TP53BP1: variants seen among roughly 807,000 people sequenced by gnomAD.
TP53BP1 encodes TP53-binding protein 1.
TP53BP1 carries 61 observed loss-of-function variants against 200.8 expected under a neutral mutation model. The observed-to-expected ratio is 0.30, with a 90% CI of 0.25 to 0.38. The LOEUF (loss-of-function observed/expected upper bound fraction) is 0.38, where lower values mean the gene tolerates loss of function less well. Ranked by LOEUF, TP53BP1 falls within the 10% of genes least tolerant of loss-of-function variation. TP53BP1 has a pLI of 1.00. For synonymous variants in TP53BP1, 822 were observed against 844.3 expected, an observed-to-expected ratio of 0.97 and a Z score of 0.46; for missense variants, 2,144 against 2,371.9, an observed-to-expected ratio of 0.90 and a Z score of 2.00.
In TP53BP1 at chr15:43,477,144, C is replaced by A. The variant is rs2078895437; in HGVS notation, c.955+449G>T. On this transcript the variant is annotated intron_variant, in intron 8 of 27. Transcript: ENST00000382044. ...TGAAACCCCATCTCTACTAAAAATA[C>A]AAAAAATTAGCCAAGCATGGTGGCG... is the stretch of plus-strand genomic sequence containing the variant. Among the ~76,000 whole-genome samples the A allele has an allele frequency of 2.0e-5, 3 of 151,748 alleles. No individual in the cohort carries two copies. In the South Asian group the frequency reaches 6.2e-4, roughly 32 times the overall value.
At chr15:43,408,619 T>C (rs1595515631) in intron 26 of TP53BP1, 1 of 425,772 alleles carries the variant, frequency 2.3e-6, no homozygotes, top group Non-Finnish European at 4.3e-6. Flanking sequence ...CCTGAGCCTA[T>C]ATATTTTTAA....
chr15:43,481,651 C>A (rs1013719864), intron 4 of TP53BP1, among the ~76,000 whole-genome samples: 1 of 151,294 alleles, frequency 6.6e-6, no homozygotes, highest in African/African-American at 2.4e-5. Flanking sequence ...CCCGTCTCTA[C>A]TAAAAATATA....
chr15:43,486,865 A>T (rs549666572), intron 4 of TP53BP1, among the ~76,000 whole-genome samples: 13 of 152,224 alleles, frequency 8.5e-5, no homozygotes, highest in Non-Finnish European at 1.8e-4. Context: ...AGCTCAAGTG[A>T]TCCACCCGCC....
chr15:43,482,788 A>G (rs2078992474), intron 4 of TP53BP1, among the ~76,000 whole-genome samples: 1 of 151,342 alleles, frequency 6.6e-6, no homozygotes, highest in Non-Finnish European at 1.5e-5. Context: ...AAATTTAACC[A>G]GTGTGGTGTC....
At chr15:43,407,856 G>A in intron 27 of TP53BP1, 87 bp downstream of exon 27, 1 of 1,349,198 alleles carries the variant, frequency 7.4e-7, no homozygotes, top group Non-Finnish European at 1.0e-6. Flanking sequence ...CAACCTATTA[G>A]GCCTGAGCCT....
At chr15:43,460,957 T>C (rs910834089) in intron 11 of TP53BP1, among the ~76,000 whole-genome samples, 1 of 151,522 alleles carries the variant, frequency 6.6e-6, no homozygotes, top group African/African-American at 2.4e-5. Flanking sequence ...AGCAGTGTGA[T>C]TGTGCCACTG....
Position 43,456,222 on chromosome 15 carries a change from C to T in TP53BP1, c.2386G>A (p.Ala796Thr). 2 of 1,614,156 alleles carry T rather than the reference C, an allele frequency of 1.2e-6. No individual in the cohort carries two copies. Among genetic ancestry groups the T allele is most frequent in the Non-Finnish European group, 1.7e-6 (2 of 1,180,036 alleles). ...CSDSQSWEDI[A>T]PEIEPCAENR... ...TCAGCACATGGTTCTATTTCTGGAG[C>T]AATATCCTCCCATGACTGGGAATCT... The change falls in exon 12 of 28, where the codon GCT (alanine) becomes ACT (threonine). Residue 796 changes from alanine (A) to threonine (T), a missense_variant. Physicochemically the swap from Ala to Thr is moderately conservative, Grantham distance 58. Transcript: ENST00000382044.
In TP53BP1 at chr15:43,455,997, C is replaced by G. The variant is rs2057944213; in HGVS notation, c.2611G>C (p.Asp871His). Residue 871 changes from aspartate (D) to histidine (H), a missense_variant, in exon 12 of 28, where the codon GAC becomes CAC. Transcript: ENST00000382044. The stretch of plus-strand genomic sequence containing the variant: ...TGCTTTGCATTAGCCATTTTTGAGT[C>G]TTCTGTTAATGAATTACTTGTTTTC... Reference protein sequence around the residue: ...QEKTSNSLTEDSKMANAKQLS... With the variant: ...QEKTSNSLTEHSKMANAKQLS... 3.1e-6 allele frequency: 5 copies of G among 1,613,940 alleles called. No individual in the cohort carries two copies. Among genetic ancestry groups the G allele is most frequent in the Non-Finnish European group, 4.2e-6 (5 of 1,179,990 alleles).
At chr15:43,428,429 T>C (rs190312710) in intron 17 of TP53BP1, among the ~76,000 whole-genome samples, 2 of 152,354 alleles carry the variant, frequency 1.3e-5, no homozygotes, top group East Asian at 3.9e-4. Flanking sequence ...CATCTAGTAC[T>C]TGTATTTACG....
At chr15:43,427,368 C>CG (rs2045563860) in intron 18 of TP53BP1, among the ~76,000 whole-genome samples, 1 of 152,114 alleles carries the variant, frequency 6.6e-6, no homozygotes, top group Non-Finnish European at 1.5e-5. Flanking sequence ...TAGTTTGAAA[C>CG]GGAGTGTTCT....
intron 12 of TP53BP1, 55 bp from the exon 13 acceptor site, chr15:43,447,540 AC>A: frequency 1.4e-6 from 2 of 1,406,024 alleles, no homozygotes; most frequent in Non-Finnish European, 1.9e-6. Context: ...TTTAAAAAAA[AC>A]AGAAGTATAA....
At chr15:43,437,484 T>G (rs946615569) in intron 16 of TP53BP1, among the ~76,000 whole-genome samples, 1 of 151,978 alleles carries the variant, frequency 6.6e-6, no homozygotes, top group Non-Finnish European at 1.5e-5. Context: ...AATAGAAAAA[T>G]TAGCCGGTAT....
intron 1 of TP53BP1, among the ~76,000 whole-genome samples, chr15:43,498,741 G>C (rs766658731): frequency 1.3e-5 from 2 of 152,168 alleles, no homozygotes; most frequent in African/African-American, 2.4e-5. Context: ...AAGGTCTGTA[G>C]ATTAGTAACG....
At chr15:43,443,364 G>T (rs2045971750) in intron 14 of TP53BP1, among the ~76,000 whole-genome samples, 1 of 152,102 alleles carries the variant, frequency 6.6e-6, no homozygotes, top group South Asian at 2.1e-4. Flanking sequence ...AGGTACCCAA[G>T]TTCTTCCCAA....
At chr15:43,487,374 A>T (rs2079060537) in intron 4 of TP53BP1, among the ~76,000 whole-genome samples, 1 of 152,180 alleles carries the variant, frequency 6.6e-6, no homozygotes. Flanking sequence ...GGACTATAAA[A>T]CAGTACGGCC....
intron 24 of TP53BP1, among the ~76,000 whole-genome samples, chr15:43,411,417 A>T (rs973477647): frequency 6.6e-6 from 1 of 152,246 alleles, no homozygotes; most frequent in East Asian, 1.9e-4. Flanking sequence ...ACTTATTAAT[A>T]AATATATCTC....
chr15:43,472,626 A>G (rs930288054), intron 10 of TP53BP1, among the ~76,000 whole-genome samples: 2 of 152,244 alleles, frequency 1.3e-5, no homozygotes, highest in Non-Finnish European at 2.9e-5. Flanking sequence ...AAAATAACCT[A>G]TAAGGACCAC....
chr15:43,482,628 C>T (rs1026331350), intron 4 of TP53BP1, among the ~76,000 whole-genome samples: 6 of 152,112 alleles, frequency 3.9e-5, no homozygotes, highest in Admixed American at 1.3e-4. Context: ...ATTAGCCGGG[C>T]GTGGTGGCAC....
chr15:43,492,746 C>T (rs2079144753), intron 1 of TP53BP1, among the ~76,000 whole-genome samples: 2 of 149,314 alleles, frequency 1.3e-5, no homozygotes, highest in Middle Eastern at 3.4e-3. Flanking sequence ...CCTCTTCTCT[C>T]CCCGCCCCTT....
Sources: gnomAD v4.1 joint callset for allele counts (sites outside exome capture counted in the v4.1 genomes callset) on GRCh38, gnomAD v4.1.1 for gene constraint, MANE v1.5 for transcripts, NCBI Gene and HGNC (gene_info 2026-07-23, HGNC 2026-07-21) for gene names.